Variants in RABGAP1L observed in about 807,000 individuals in gnomAD.
RABGAP1L encodes RAB GTPase activating protein 1 like.
In RABGAP1L, 63 loss-of-function variants were observed where a neutral mutation model predicts 137.7. That is an observed-to-expected ratio of 0.46 (90% CI 0.37 to 0.56). RABGAP1L has a LOEUF of 0.56. RABGAP1L is among the 20% of genes least tolerant of loss of function. The pLI, the probability that RABGAP1L is intolerant of heterozygous loss-of-function variation, is 0.00. For missense variants in RABGAP1L, 1,095 were observed against 1,244.0 expected (o/e 0.88, Z 1.80); for synonymous variants, 431 against 433.7 (o/e 0.99, Z 0.08).
At chr1:174,896,872 A>G (rs1431746436) in intron 19 of RABGAP1L, 3 of 152,148 alleles carry the variant, frequency 2.0e-5, no homozygotes, top group South Asian at 2.1e-4. Flanking sequence ...GTCAGGTAGC[A>G]TGATGCCTCC....
intron 7 of RABGAP1L, among the ~76,000 whole-genome samples, chr1:174,254,010 G>A (rs1672916721): frequency 6.6e-6 from 1 of 152,062 alleles, no homozygotes; most frequent in Non-Finnish European, 1.5e-5. Flanking sequence ...GAGGGTGGGA[G>A]GCAATTGAGG....
rs778033751 is a variant in RABGAP1L, at chr1:174,508,657, T to C, written c.1710+114512T>C. Among the ~76,000 whole-genome samples the C allele has an allele frequency of 4.6e-5, 7 of 152,164 alleles. No individual in the cohort carries two copies. In the South Asian group the frequency reaches 1.2e-3, roughly 27 times the overall value. On this transcript the variant is annotated intron_variant, in intron 13 of 25. Transcript: ENST00000681986. ...GCTAGAGAAATTGTTATAGCATAATTCCTTAGAAAAATTATTCATAGTAAT... is the reference window on the plus strand; with the variant it reads ...GCTAGAGAAATTGTTATAGCATAATCCCTTAGAAAAATTATTCATAGTAAT...
intron 19 of RABGAP1L, among the ~76,000 whole-genome samples, chr1:174,888,954 CAT>C (rs992641562): frequency 1.7e-4 from 26 of 152,216 alleles, no homozygotes; most frequent in African/African-American, 5.1e-4. Flanking sequence ...TAAATACATT[CAT>C]GTGTGTGTGT....
At chr1:174,833,132 A>G (rs1435960129) in intron 19 of RABGAP1L, among the ~76,000 whole-genome samples, 1 of 152,202 alleles carries the variant, frequency 6.6e-6, no homozygotes, top group Non-Finnish European at 1.5e-5. Context: ...ACTTTACTAC[A>G]TATTTTCTGA....
intron 11 of RABGAP1L, among the ~76,000 whole-genome samples, chr1:174,364,668 C>G (rs1027808146): frequency 6.6e-6 from 1 of 152,108 alleles, no homozygotes; most frequent in African/African-American, 2.4e-5. Flanking sequence ...ACAAATGATC[C>G]TTTGAATTTC....
intron 12 of RABGAP1L, among the ~76,000 whole-genome samples, chr1:174,386,123 G>C (rs1198327454): frequency 6.6e-6 from 1 of 152,190 alleles, no homozygotes; most frequent in African/African-American, 2.4e-5. Context: ...TGGGAGCAGA[G>C]ATAGCTCATT....
At chr1:174,271,359 A>G (rs1426285842) in intron 7 of RABGAP1L, among the ~76,000 whole-genome samples, 1 of 152,128 alleles carries the variant, frequency 6.6e-6, no homozygotes, top group African/African-American at 2.4e-5. Context: ...TAAACCTTTG[A>G]AAAACAACAA....
At chr1:174,269,198 C>T (rs1674341520) in intron 7 of RABGAP1L, among the ~76,000 whole-genome samples, 1 of 152,242 alleles carries the variant, frequency 6.6e-6, no homozygotes, top group South Asian at 2.1e-4. Context: ...CCACCTCGGC[C>T]TCCCAAAGTG....
At chr1:174,443,607 C>A (rs1373132506) in intron 13 of RABGAP1L, among the ~76,000 whole-genome samples, 1 of 151,904 alleles carries the variant, frequency 6.6e-6, no homozygotes, top group Non-Finnish European at 1.5e-5. Context: ...GGATAGTTTG[C>A]AAATATTTTC....
chr1:174,344,892 A>G (rs143126083), intron 11 of RABGAP1L, among the ~76,000 whole-genome samples: 9 of 152,228 alleles, frequency 5.9e-5, no homozygotes, highest in Admixed American at 5.9e-4. Flanking sequence ...AGTTTCCCCA[A>G]TGTTTTCTTA....
Position 174,607,620 on chromosome 1 carries a change from T to C in RABGAP1L, c.1711-29755T>C, listed in dbSNP as rs77373064. 1.8e-3 allele frequency among the ~76,000 whole-genome samples: 279 copies of C among 152,336 alleles called. 1 individual carries two copies. Among genetic ancestry groups the C allele is most frequent in the African/African-American group, 6.4e-3 (265 of 41,578 alleles). On this transcript the variant is annotated intron_variant, in intron 13 of 25. Coordinates refer to ENST00000681986, the MANE Select transcript of RABGAP1L (RefSeq NM_001366446.1). ...AATTTGCTGCATTTGTGAAAAATTA[T>C]CTGGTTTACACTATTCCAGTTTTAT...
At chr1:174,822,560 G>A (rs566152877) in intron 19 of RABGAP1L, among the ~76,000 whole-genome samples, 1 of 152,300 alleles carries the variant, frequency 6.6e-6, no homozygotes, top group African/African-American at 2.4e-5. Context: ...TCTCCTACCA[G>A]GGATCATTTT....
chr1:174,958,144 C>T (rs1668772578), intron 20 of RABGAP1L: 4 of 1,480,212 alleles, frequency 2.7e-6, no homozygotes, highest in Non-Finnish European at 3.6e-6. Context: ...AATACCAACT[C>T]ACTTGGAAGG....
At chr1:174,640,296 C>T (rs1166046461) in intron 14 of RABGAP1L, among the ~76,000 whole-genome samples, 2 of 152,010 alleles carry the variant, frequency 1.3e-5, no homozygotes, top group African/African-American at 2.4e-5. Flanking sequence ...AATAGGATAG[C>T]ATATCTATGA....
At position 174,637,339 on chromosome 1, in the gene RABGAP1L, A is replaced by T. The variant is rs746122993; in HGVS notation, c.1711-36A>T. 4 of 1,453,388 alleles carry T rather than the reference A, an allele frequency of 2.8e-6. No individual in the cohort carries two copies. The Admixed American group carries it at 7.3e-5, about 27-fold the overall frequency. 90.0% of individuals were successfully genotyped at this position (1,453,388 alleles called of 1,614,324 possible). On this transcript the variant is annotated intron_variant, in intron 13 of 25. Transcript: ENST00000681986. The stretch of plus-strand genomic sequence containing the variant: ...ATATTATATTTCATAACTGGGAAAA[A>T]ATTTAATAACCAGGTCTATTTTCTT...
intron 19 of RABGAP1L, among the ~76,000 whole-genome samples, chr1:174,939,886 A>T (rs950988868): frequency 6.6e-6 from 1 of 152,240 alleles, no homozygotes; most frequent in Admixed American, 6.5e-5. Context: ...TTTTATTCCA[A>T]CATTTAACTA....
chr1:174,377,149 G>A (rs1685616434), intron 12 of RABGAP1L, among the ~76,000 whole-genome samples: 1 of 152,050 alleles, frequency 6.6e-6, no homozygotes, highest in Non-Finnish European at 1.5e-5. Flanking sequence ...AACAAATTGT[G>A]AGCTAAATAT....
chr1:174,666,588 C>T (rs747110332), intron 14 of RABGAP1L, among the ~76,000 whole-genome samples: 2 of 152,220 alleles, frequency 1.3e-5, no homozygotes, highest in Non-Finnish European at 2.9e-5. Flanking sequence ...GTTGCACTCT[C>T]ACATGGCAGC....
intron 13 of RABGAP1L, among the ~76,000 whole-genome samples, chr1:174,447,887 A>AC (rs1229552568): frequency 2.5e-4 from 6 of 23,902 alleles, no homozygotes; most frequent in East Asian, 1.6e-3. Flanking sequence ...TCCACCCCTT[A>AC]CCGCCCCCCC....
Sources: allele counts gnomAD v4.1 joint callset (sites outside exome capture counted in the v4.1 genomes callset), GRCh38; gene constraint gnomAD v4.1.1; transcripts MANE v1.5; gene names NCBI Gene and HGNC (gene_info 2026-07-23, HGNC 2026-07-21).